Variants in RUFY2 observed in about 807,000 individuals in gnomAD.
The protein encoded by RUFY2 is RUN and FYVE domain containing 2.
In RUFY2, 49 loss-of-function variants were observed where a neutral mutation model predicts 94.4. That is an observed-to-expected ratio of 0.52 (90% CI 0.41 to 0.66). The LOEUF (loss-of-function observed/expected upper bound fraction) is 0.66. Ranked by LOEUF, RUFY2 falls within the 30% of genes least tolerant of loss-of-function variation. RUFY2 has a pLI of 0.00. For synonymous variants in RUFY2, 255 were observed against 235.7 expected (o/e 1.08, Z -0.75); for missense variants, 541 against 692.8 (o/e 0.78, Z 2.46).
At chr10:68,372,106 C>G (rs187041535) in intron 13 of RUFY2, among the ~76,000 whole-genome samples, 25 of 152,214 alleles carry the variant, frequency 1.6e-4, no homozygotes, top group African/African-American at 5.8e-4. Flanking sequence ...AATAAGACCT[C>G]ATTTCTAAAA....
At chr10:68,378,317 T>C (rs1167255416) in intron 12 of RUFY2, 1 of 1,183,970 alleles carries the variant, frequency 8.4e-7, no homozygotes, top group African/African-American at 1.6e-5. Flanking sequence ...TTGAAAATCC[T>C]GACCTCCAAA....
At chr10:68,406,883 C>T in intron 1 of RUFY2, 1 of 1,597,104 alleles carries the variant, frequency 6.3e-7, no homozygotes. Flanking sequence ...CGCCTGCTCC[C>T]CGACCCGGGA....
At chr10:68,402,779 C>T (rs970879474) in intron 2 of RUFY2, among the ~76,000 whole-genome samples, 4 of 149,412 alleles carry the variant, frequency 2.7e-5, no homozygotes, top group Admixed American at 2.0e-4. Context: ...CATAAAATAT[C>T]GCACAGCTAT....
chr10:68,355,190 T>C (rs1036352342), intron 16 of RUFY2, among the ~76,000 whole-genome samples, 163 bp downstream of exon 16: 40 of 152,154 alleles, frequency 2.6e-4, no homozygotes, highest in African/African-American at 9.2e-4. Context: ...AATGTGACTC[T>C]AGGGGTACAG....
chr10:68,398,653 A>G (rs995225605), intron 3 of RUFY2, among the ~76,000 whole-genome samples: 1 of 152,172 alleles, frequency 6.6e-6, no homozygotes, highest in Non-Finnish European at 1.5e-5. Flanking sequence ...CTCAGTCTCC[A>G]TAAAATATAA....
Position 68,383,802 on chromosome 10 carries a change from C to T in RUFY2, c.935G>A (p.Arg312Gln), listed in dbSNP as rs752873741. 4 of 1,601,290 alleles carry T rather than the reference C, an allele frequency of 2.5e-6. No individual in the cohort carries two copies. The highest frequency in any genetic ancestry group is 3.4e-6 in the Non-Finnish European group (4 of 1,168,618). The change falls in exon 10 of 18, where the codon CGA (arginine) becomes CAA (glutamine). Residue 312 changes from arginine (R) to glutamine (Q), a missense_variant. Coordinates refer to ENST00000602465, the MANE Select transcript of RUFY2 (RefSeq NM_001330103.2). ...GTAATTTTTAATATAACCTACCTGT[C>T]GTAACTGAGATTCATCTCGAAGCTG... ...RRQLRDESQL[R>Q]QDVENELAVQ...
intron 10 of RUFY2, 62 bp downstream of exon 10, chr10:68,383,736 C>G: frequency 8.7e-7 from 1 of 1,145,018 alleles, no homozygotes; most frequent in South Asian, 1.2e-5. Context: ...TTAAATGGTG[C>G]TTGCTTGAGG....
chr10:68,404,871 A>G (rs760983869), intron 1 of RUFY2, 27 bp from the exon 2 acceptor site: 7 of 1,522,706 alleles, frequency 4.6e-6, no homozygotes, highest in South Asian at 1.3e-5. Context: ...GGAATCCAAC[A>G]TCATTTGTAA....
chr10:68,349,418 G>A (rs1433806168), intron 16 of RUFY2, among the ~76,000 whole-genome samples: 1 of 148,984 alleles, frequency 6.7e-6, no homozygotes, highest in Non-Finnish European at 1.5e-5. Flanking sequence ...AACTCAGGAG[G>A]CTGAGGGGGG....
intron 12 of RUFY2, chr10:68,377,714 T>G (rs546644024): frequency 2.0e-6 from 2 of 985,318 alleles, no homozygotes; most frequent in Admixed American, 1.2e-4. Flanking sequence ...CTCCCTGCCT[T>G]CTTTGGCCAT....
At chr10:68,369,850 T>C (rs2048133191) in intron 13 of RUFY2, among the ~76,000 whole-genome samples, 1 of 152,208 alleles carries the variant, frequency 6.6e-6, no homozygotes, top group South Asian at 2.1e-4. Flanking sequence ...CATGTTATGA[T>C]GCAGCACAAA....
At chr10:68,341,434 G>A, downstream of RUFY2, 1 of 1,089,450 alleles carries the variant, frequency 9.2e-7, no homozygotes, top group Non-Finnish European at 1.3e-6. Context: ...CTCTATAATG[G>A]CTTTCTGTGG....
chr10:68,382,751 G>A (rs12218103), intron 10 of RUFY2, among the ~76,000 whole-genome samples: 26,245 of 149,494 alleles, frequency 0.18, 2,537 homozygotes, highest in South Asian at 0.26. Flanking sequence ...AAATTTATTA[G>A]CATTCAAGAC....
chr10:68,368,645 G>A (rs1236967311), intron 13 of RUFY2, among the ~76,000 whole-genome samples: 5 of 150,800 alleles, frequency 3.3e-5, no homozygotes, highest in African/African-American at 9.9e-5. Flanking sequence ...GGCAACAAGA[G>A]CAAAACTCCA....
chr10:68,361,637 TTA>T (rs2047470434), intron 15 of RUFY2, among the ~76,000 whole-genome samples: 1 of 152,204 alleles, frequency 6.6e-6, no homozygotes, highest in Admixed American at 6.6e-5. Context: ...AAAAACAGCT[TTA>T]TCTTTTTGAG....
chr10:68,396,909 A>C (rs368118841), intron 3 of RUFY2, 28 bp from the exon 4 acceptor site: 1 of 1,481,260 alleles, frequency 6.8e-7, no homozygotes, highest in African/African-American at 1.4e-5. Flanking sequence ...TTGATCAGAA[A>C]ACAGCCCTAG....
Position 68,346,123 on chromosome 10 carries a change from C to T in RUFY2, c.1600-39G>A, listed in dbSNP as rs1310740946. On this transcript the variant is annotated intron_variant, in intron 16 of 17. Transcript: ENST00000602465. ...AATATTAATGCTCAAATTGGTAACA[C>T]TAAAAATTAAATGTGAAAACTTTTT... 4 of 1,495,688 alleles carry T rather than the reference C, an allele frequency of 2.7e-6. No individual in the cohort carries two copies. The African/African-American group carries it at 4.2e-5, about 16-fold the overall frequency. The allele number at this position is 1,495,688 out of a possible 1,614,324, so 92.7% of individuals were successfully genotyped here. A position where few individuals can be genotyped will look rare whatever the true frequency, so the allele number is the denominator to read the frequency against.
In RUFY2 at chr10:68,376,839, A is replaced by T; in HGVS notation, c.1325+14T>A. On this transcript the variant is annotated intron_variant, in intron 13 of 17. Coordinates refer to ENST00000602465, the MANE Select transcript of RUFY2 (RefSeq NM_001330103.2). ...GTTAACACAAGTATTTGTTTCTGAGAGTGAAATACTCACAGCTGTTTCTCC... is the reference window on the plus strand; with the variant it reads ...GTTAACACAAGTATTTGTTTCTGAGTGTGAAATACTCACAGCTGTTTCTCC... 1 of 1,611,756 alleles carries T rather than the reference A, an allele frequency of 6.2e-7. No homozygotes were observed. The highest frequency in any genetic ancestry group is 8.5e-7 in the Non-Finnish European group (1 of 1,178,292).
rs777452716 is a variant in RUFY2, at chr10:68,345,861, G to A, written c.1728C>T (p.Asn576=). 42 of 1,613,946 alleles carry A rather than the reference G, an allele frequency of 2.6e-5. No homozygotes were observed. In the Admixed American group the frequency reaches 4.3e-4, roughly 17 times the overall value. The change falls in exon 18 of 18, where the codon AAC becomes AAT. Residue 576 remains asparagine, a synonymous_variant. Transcript: ENST00000602465. ...TTGGTGAAGAAGGCAAAGGTAGTTC[G>A]TTGTCAGAGCAGGCATTACAGAAAA... The part of the protein sequence containing the change: ...GEIFCNACSD[N]ELPLPSSPKP...
Sources: gnomAD v4.1 joint callset for allele counts (sites outside exome capture counted in the v4.1 genomes callset) on GRCh38, gnomAD v4.1.1 for gene constraint, MANE v1.5 for transcripts, NCBI Gene and HGNC (gene_info 2026-07-23, HGNC 2026-07-21) for gene names.